The following PRKCH variants were observed in gnomAD, a reference collection of about 807,000 sequenced individuals.
PRKCH encodes the protein protein kinase C eta, also known as protein kinase C eta type.
PRKCH carries 28 observed loss-of-function variants against 82.5 expected under a neutral mutation model. The observed-to-expected ratio is 0.34, with a 90% CI of 0.25 to 0.47. PRKCH has a LOEUF of 0.47. Among genes scored for constraint, PRKCH ranks in the 20% least tolerant of loss-of-function variants. PRKCH has a pLI of 1.00. For missense variants in PRKCH, 705 were observed against 881.8 expected (o/e 0.80, Z 2.54); for synonymous variants, 322 against 327.4 (o/e 0.98, Z 0.18).
rs193044379 is a variant in PRKCH at position 61,201,166 on chromosome 14, G to A, written c.-19+13498G>A. 9.9e-5 allele frequency among the ~76,000 whole-genome samples: 15 copies of A among 152,210 alleles called. No homozygotes were observed. The South Asian group carries it at 1.0e-3, about 11-fold the overall frequency. ...ACACCTTCCTAATGGATTCATTCAC[G>A]TGACCTAATAATAATAACAATAATG... On this transcript the variant is annotated intron_variant, in intron 1 of 3. Coordinates refer to the PRKCH transcript ENST00000555185.
chr14:61,360,380 C>A (rs1400484048), intron 1 of PRKCH, among the ~76,000 whole-genome samples: 1 of 152,030 alleles, frequency 6.6e-6, no homozygotes, highest in Non-Finnish European at 1.5e-5. Flanking sequence ...TGGTGGGCGC[C>A]TGTAATCCCA....
rs1159814546 is a variant in PRKCH, at chr14:61,529,229, T to C, written c.1572+16T>C. On this transcript the variant is annotated intron_variant, in intron 11 of 13. Transcript: ENST00000332981. ...CGCTCCAGAGGTGAGTGCAGCTGCTTGATGCAGCTCTGAAATCTGAGCTCT... is the reference window on the plus strand; with the variant it reads ...CGCTCCAGAGGTGAGTGCAGCTGCTCGATGCAGCTCTGAAATCTGAGCTCT... The C allele has an allele frequency of 3.1e-6, 5 of 1,599,644 alleles. No individual in the cohort carries two copies. The East Asian group carries it at 1.1e-4, about 36-fold the overall frequency.
intron 9 of PRKCH, among the ~76,000 whole-genome samples, chr14:61,461,887 A>G (rs1246881057): frequency 6.6e-6 from 1 of 152,200 alleles, no homozygotes; most frequent in Non-Finnish European, 1.5e-5. Flanking sequence ...TGAAGCCTTT[A>G]CTAGCATTGA....
chr14:61,514,575 G>C (rs566988785), intron 10 of PRKCH, among the ~76,000 whole-genome samples: 1 of 152,114 alleles, frequency 6.6e-6, no homozygotes, highest in East Asian at 1.9e-4. Flanking sequence ...TGGGTCCCAG[G>C]GTCCCAGCAC....
At chr14:61,509,060 T>A (rs1887269028) in intron 10 of PRKCH, among the ~76,000 whole-genome samples, 3 of 152,122 alleles carry the variant, frequency 2.0e-5, no homozygotes, top group Non-Finnish European at 4.4e-5. Context: ...GGGTGCTGGA[T>A]CTGAGCCAGT....
chr14:61,407,910 TC>T (rs1230450874), intron 2 of PRKCH, among the ~76,000 whole-genome samples: 2 of 152,154 alleles, frequency 1.3e-5, no homozygotes, highest in Non-Finnish European at 2.9e-5. Context: ...TTTGAGGTTT[TC>T]CAACTTGAGC....
At chr14:61,191,732 G>A (rs1299328553) in intron 1 of PRKCH, among the ~76,000 whole-genome samples, 2 of 152,118 alleles carry the variant, frequency 1.3e-5, no homozygotes, top group African/African-American at 4.8e-5. Context: ...TACTCCTTCT[G>A]AATTGCCTGG....
At chr14:61,462,415 A>G (rs1182094745) in intron 9 of PRKCH, among the ~76,000 whole-genome samples, 1 of 152,222 alleles carries the variant, frequency 6.6e-6, no homozygotes, top group East Asian at 1.9e-4. Flanking sequence ...AAAAAGCAGC[A>G]AAGGAGATTT....
chr14:61,252,775 T>C (rs1037039878), intron 1 of PRKCH, among the ~76,000 whole-genome samples: 2 of 152,228 alleles, frequency 1.3e-5, no homozygotes, highest in African/African-American at 4.8e-5. Flanking sequence ...AACACAGTCA[T>C]TATTAAAGTA....
intron 1 of PRKCH, among the ~76,000 whole-genome samples, chr14:61,242,974 A>C (rs1469829966): frequency 1.3e-5 from 2 of 152,210 alleles, no homozygotes; most frequent in East Asian, 3.9e-4. Flanking sequence ...AGGGAATAAG[A>C]CAGTGAATAA....
intron 10 of PRKCH, among the ~76,000 whole-genome samples, chr14:61,526,408 A>G (rs759464945): frequency 6.6e-6 from 1 of 152,210 alleles, no homozygotes; most frequent in Non-Finnish European, 1.5e-5. Flanking sequence ...TCTATGTTCC[A>G]TTGATCTGTG....
chr14:61,335,460 C>G (rs890063660), intron 1 of PRKCH, among the ~76,000 whole-genome samples: 1 of 151,726 alleles, frequency 6.6e-6, no homozygotes, highest in Non-Finnish European at 1.5e-5. Flanking sequence ...CTGATAGGGC[C>G]CCAACTTGTT....
intron 12 of PRKCH, among the ~76,000 whole-genome samples, chr14:61,531,535 G>A (rs568334343): frequency 2.0e-5 from 3 of 152,302 alleles, no homozygotes; most frequent in Non-Finnish European, 2.9e-5. Flanking sequence ...TATAATCAGT[G>A]CCATTTCAGG....
At chr14:61,224,823 C>A (rs187784607) in intron 1 of PRKCH, among the ~76,000 whole-genome samples, 18 of 152,310 alleles carry the variant, frequency 1.2e-4, no homozygotes, top group Non-Finnish European at 2.9e-5. Flanking sequence ...AAGTTTCTGA[C>A]AGCAGCTGCA....
chr14:61,456,669 T>G (rs1449624391), intron 7 of PRKCH, among the ~76,000 whole-genome samples: 1 of 152,250 alleles, frequency 6.6e-6, no homozygotes, highest in Non-Finnish European at 1.5e-5. Flanking sequence ...TTCTTCATGC[T>G]TTTGATCATT....
At chr14:61,228,602 T>G (rs2044716001) in intron 1 of PRKCH, among the ~76,000 whole-genome samples, 1 of 62,100 alleles carries the variant, frequency 1.6e-5, no homozygotes, top group Non-Finnish European at 3.5e-5. Flanking sequence ...ACAGTTGTAT[T>G]TTAGCCTCCC....
At chr14:61,519,273 TTATG>T (rs1437688039) in intron 10 of PRKCH, among the ~76,000 whole-genome samples, 1 of 127,938 alleles carries the variant, frequency 7.8e-6, no homozygotes, top group Non-Finnish European at 1.7e-5. Flanking sequence ...CAGAATGAGA[TTATG>T]AATGAATGAA....
chr14:61,467,861 C>A (rs750282332), intron 9 of PRKCH, among the ~76,000 whole-genome samples: 1 of 152,190 alleles, frequency 6.6e-6, no homozygotes, highest in Non-Finnish European at 1.5e-5. Flanking sequence ...CAAAATATCT[C>A]ATTTAATACC....
intron 10 of PRKCH, among the ~76,000 whole-genome samples, chr14:61,506,380 A>C (rs2245521): frequency 0.98 from 149,568 of 152,158 alleles, 73,570 homozygotes; most frequent in Non-Finnish European, 1. Context: ...TGGGGTTGTG[A>C]GTCCCAGCTC....
Sources: allele counts gnomAD v4.1 joint callset (sites outside exome capture counted in the v4.1 genomes callset), GRCh38; gene constraint gnomAD v4.1.1; transcripts MANE v1.5; gene names NCBI Gene and HGNC (gene_info 2026-07-23, HGNC 2026-07-21).